Variants in PCDHA11 observed in about 807,000 individuals in gnomAD.
PCDHA11 encodes the protein protocadherin alpha 11.
Under a neutral mutation model 70.3 loss-of-function variants are expected in PCDHA11, and 61 were observed. The ratio of observed to expected loss-of-function variants is 0.87; its 90% CI spans 0.71 to 1.07. The LOEUF is 1.07. Ranked by LOEUF, PCDHA11 falls within the 50% of genes least tolerant of loss-of-function variation. The pLI, the probability that PCDHA11 is intolerant of heterozygous loss-of-function variation, is 0.00. For missense variants in PCDHA11, 1,324 were observed against 1,237.5 expected (o/e 1.07, Z -1.05); for synonymous variants, 633 against 555.1 (o/e 1.14, Z -1.97).
intron 1 of PCDHA11, among the ~76,000 whole-genome samples, chr5:140,938,233 A>AC (rs1329361250): frequency 6.6e-6 from 1 of 152,210 alleles, no homozygotes; most frequent in African/African-American, 2.4e-5. Context: ...GGCATAGGCC[A>AC]CCATGCCTGG....
At chr5:140,882,153 AAT>A in intron 1 of PCDHA11, 1 of 1,505,320 alleles carries the variant, frequency 6.6e-7, no homozygotes, top group South Asian at 1.4e-5. Context: ...CAGAAAGCGG[AAT>A]ACCTCTTGCG....
Position 140,869,401 on chromosome 5 carries a change from G to T in PCDHA11, c.298G>T (p.Ala100Ser). The stretch of plus-strand genomic sequence containing the variant: ...CCGCGAGGAGCTGTGCGGGCAGAGC[G>T]CGGAGTGCAGCATCCACCTGGAGGT... ...IDREELCGQS[A>S]ECSIHLEVIV... The change falls in exon 1 of 4, where the codon GCG becomes TCG. Residue 100 changes from alanine to serine, a missense_variant. Transcript: ENST00000398640. 6.2e-7 allele frequency: 1 copy of T among 1,614,222 alleles called. No individual in the cohort carries two copies. Among genetic ancestry groups the T allele is most frequent in the South Asian group, 1.1e-5 (1 of 91,084 alleles).
chr5:140,928,148 A>G (rs1228039818), intron 1 of PCDHA11: 1 of 1,614,054 alleles, frequency 6.2e-7, no homozygotes, highest in African/African-American at 1.3e-5. Context: ...ACGGCCTCAG[A>G]TAGTGGCTCA....
At chr5:140,967,219 C>G in intron 1 of PCDHA11, 1 of 1,613,772 alleles carries the variant, frequency 6.2e-7, no homozygotes, top group Non-Finnish European at 8.5e-7. Flanking sequence ...TCCCGCGGCC[C>G]AACTACCAGC....
chr5:141,004,148 C>T (rs971282591), intron 3 of PCDHA11, among the ~76,000 whole-genome samples: 1 of 152,222 alleles, frequency 6.6e-6, no homozygotes, highest in African/African-American at 2.4e-5. Context: ...AAAGGCATGA[C>T]ATTTTATAGG....
intron 3 of PCDHA11, among the ~76,000 whole-genome samples, chr5:140,982,908 C>A (rs1554244948): frequency 2.0e-5 from 3 of 151,668 alleles, no homozygotes; most frequent in Non-Finnish European, 2.9e-5. Flanking sequence ...GCCTTATGCA[C>A]AGAGATGACA....
At chr5:141,002,948 C>A (rs2098104348) in intron 3 of PCDHA11, among the ~76,000 whole-genome samples, 1 of 152,152 alleles carries the variant, frequency 6.6e-6, no homozygotes, top group African/African-American at 2.4e-5. Flanking sequence ...CAGCACATGC[C>A]CCTCTGAGAG....
intron 1 of PCDHA11, chr5:140,927,565 G>A: frequency 6.2e-7 from 1 of 1,614,186 alleles, no homozygotes; most frequent in Non-Finnish European, 8.5e-7. Context: ...CATTGTGGTG[G>A]ACACAAATGA....
At chr5:140,919,358 T>C (rs2153553560) in intron 1 of PCDHA11, among the ~76,000 whole-genome samples, 1 of 152,356 alleles carries the variant, frequency 6.6e-6, no homozygotes, top group East Asian at 1.9e-4. Flanking sequence ...AATCTAAAAG[T>C]GTCTCCTGCA....
At chr5:140,903,329 G>A (rs2070195936) in intron 1 of PCDHA11, among the ~76,000 whole-genome samples, 1 of 152,160 alleles carries the variant, frequency 6.6e-6, no homozygotes, top group Non-Finnish European at 1.5e-5. Context: ...TTTTATTGAG[G>A]AAAGGATGCA....
intron 3 of PCDHA11, among the ~76,000 whole-genome samples, chr5:141,008,297 A>G (rs2098368469): frequency 6.6e-6 from 1 of 152,178 alleles, no homozygotes; most frequent in South Asian, 2.1e-4. Context: ...GTTGTACCCA[A>G]CCCTAAACTG....
intron 1 of PCDHA11, among the ~76,000 whole-genome samples, chr5:140,891,360 G>T (rs2063061562): frequency 6.6e-6 from 1 of 151,060 alleles, no homozygotes; most frequent in Admixed American, 6.6e-5. Context: ...CATCACCTGA[G>T]CAGTATACAT....
intron 1 of PCDHA11, among the ~76,000 whole-genome samples, chr5:140,977,142 T>C (rs781987643): frequency 6.6e-6 from 1 of 152,236 alleles, no homozygotes; most frequent in Non-Finnish European, 1.5e-5. Context: ...TCAGTCCTGC[T>C]GGAACTGTGC....
chr5:140,941,241 T>TTCTTTCTTTC (rs2092943774), intron 1 of PCDHA11, among the ~76,000 whole-genome samples: 1 of 140,458 alleles, frequency 7.1e-6, no homozygotes, highest in African/African-American at 2.7e-5. Flanking sequence ...CTTTCTTTCT[T>TTCTTTCTTTC]TCTTTCTTTC....
At chr5:140,907,590 C>A (rs924020141) in intron 1 of PCDHA11, among the ~76,000 whole-genome samples, 11 of 152,210 alleles carry the variant, frequency 7.2e-5, no homozygotes, top group Non-Finnish European at 1.6e-4. Flanking sequence ...TGGCTGATCA[C>A]CCTGAGGAAT....
rs529251467 is a variant in PCDHA11 at position 140,953,424 on chromosome 5, T to C, written c.2392-25525T>C. The stretch of plus-strand genomic sequence containing the variant: ...TGTTGCTCCTGGCTCCTCCCCTTTG[T>C]CCTTAAGCTGGAGAAACTAGGGATT... On this transcript the variant is annotated intron_variant, in intron 1 of 3. Transcript: ENST00000398640. 2.6e-5 allele frequency among the ~76,000 whole-genome samples: 4 copies of C among 152,230 alleles called. No individual in the cohort carries two copies. In the East Asian group the frequency reaches 7.7e-4, roughly 29 times the overall value.
chr5:140,942,391 G>A (rs901640537), intron 1 of PCDHA11, among the ~76,000 whole-genome samples: 1 of 151,546 alleles, frequency 6.6e-6, no homozygotes, highest in Non-Finnish European at 1.5e-5. Context: ...CAGCCTGGGC[G>A]ACAGATGAGA....
chr5:140,869,893 C>T lies in PCDHA11; in HGVS notation c.790C>T (p.Leu264=), dbSNP rs375422597. 6.2e-7 allele frequency: 1 copy of T among 1,610,510 alleles called. No homozygotes were observed. The highest frequency in any genetic ancestry group is 1.7e-5 in the Admixed American group (1 of 59,414). The change falls in exon 1 of 4, where the codon CTA becomes TTA. Residue 264 remains leucine (L), a synonymous_variant. Coordinates refer to ENST00000398640, the MANE Select transcript of PCDHA11 (RefSeq NM_018902.5). The part of the protein sequence containing the change: ...NAAKETLVLK[L]NATDRDEGVN... ...TGCTAAAGAAACTCTTGTGCTCAAA[C>T]TAAACGCCACAGACCGAGACGAAGG...
chr5:140,890,319 A>C (rs2062592452), intron 1 of PCDHA11, among the ~76,000 whole-genome samples: 1 of 152,206 alleles, frequency 6.6e-6, no homozygotes, highest in Admixed American at 6.5e-5. Context: ...AGTTGTTTTA[A>C]GATATTAGGT....
Sources: gnomAD v4.1 joint callset for allele counts (sites outside exome capture counted in the v4.1 genomes callset) on GRCh38, gnomAD v4.1.1 for gene constraint, MANE v1.5 for transcripts, NCBI Gene and HGNC (gene_info 2026-07-23, HGNC 2026-07-21) for gene names.